Variants in KIF4A observed in about 807,000 individuals in gnomAD.
KIF4A encodes chromosome-associated kinesin KIF4A.
KIF4A carries 7 observed loss-of-function variants against 105.9 expected under a neutral mutation model. The observed-to-expected ratio is 0.07, with a 90% CI of 0.04 to 0.12. KIF4A has a LOEUF of 0.12. Ranked by LOEUF, KIF4A falls within the 10% of genes least tolerant of loss-of-function variation. The probability of loss-of-function intolerance (pLI) is 1.00; values close to 1 mark genes in which losing one functional copy is unlikely to be tolerated. For synonymous variants in KIF4A, 281 were observed against 331.3 expected (o/e 0.85, Z 1.65); for missense variants, 558 against 929.2 (o/e 0.60, Z 5.19).
At chrX:70,350,478 G>GGAGAGGGAGAGGGAGAGGGAAAGGGA (rs2086025247) in intron 13 of KIF4A, among the ~76,000 whole-genome samples, 7 of 109,123 alleles carry the variant, frequency 6.4e-5, no homozygotes, top group Admixed American at 3.8e-4. Flanking sequence ...GAGGGAGACG[G>GGAGAGGGAGAGGGAGAGGGAAAGGGA]GAGAGGGAGA....
chrX:70,408,139 G>A (rs1380079284), intron 28 of KIF4A, among the ~76,000 whole-genome samples: 1 of 110,962 alleles, frequency 9.0e-6, no homozygotes, highest in East Asian at 2.8e-4. Flanking sequence ...CCCACAGGAG[G>A]GAAATGACCT....
At chrX:70,370,457 T>C (rs921489020) in intron 15 of KIF4A, among the ~76,000 whole-genome samples, 1 of 107,403 alleles carries the variant, frequency 9.3e-6, no homozygotes, top group African/African-American at 3.3e-5. Flanking sequence ...TCTATAAGTA[T>C]AGATAAATAT....
chrX:70,305,061 C>G (rs964935426), intron 7 of KIF4A, among the ~76,000 whole-genome samples: 1 of 111,395 alleles, frequency 9.0e-6, no homozygotes, highest in African/African-American at 3.3e-5. Context: ...TTATGAACTT[C>G]TGTGTGTAAA....
At position 70,360,689 on chromosome X, in the gene KIF4A, G is replaced by A. The variant is rs747545866; in HGVS notation, c.1674+6882G>A. On this transcript the variant is annotated intron_variant, in intron 15 of 30. Transcript: ENST00000374403. Reference sequence around the variant, plus strand: ...CAGAAAGGGCAGATCCAACTGGCTCGTCCTAGCCATGTGCTCCCGGAGCAG... The same window carrying A: ...CAGAAAGGGCAGATCCAACTGGCTCATCCTAGCCATGTGCTCCCGGAGCAG... Among the ~76,000 whole-genome samples, 123 of 113,041 alleles carry A rather than the reference G, an allele frequency of 1.1e-3. 1 individual carries two copies. The highest frequency in any genetic ancestry group is 2.1e-3 in the Admixed American group (23 of 10,779).
chrX:70,344,032 C>A (rs1375640019), intron 13 of KIF4A, 50 bp downstream of exon 13: 3 of 919,380 alleles, frequency 3.3e-6, no homozygotes, highest in Non-Finnish European at 1.6e-6. Context: ...TCATTTGTTT[C>A]TCTTGACACA....
chrX:70,318,778 C>T lies in KIF4A; in HGVS notation c.779-10627C>T, dbSNP rs150712483. On this transcript the variant is annotated intron_variant, in intron 7 of 30. Coordinates refer to ENST00000374403, the MANE Select transcript of KIF4A (RefSeq NM_012310.5). ...GACCATGTGTATTTTCAGTTAAATGCCTGTTCACGTCTTGCTCATTTTTCT... is the reference window on the plus strand; with the variant it reads ...GACCATGTGTATTTTCAGTTAAATGTCTGTTCACGTCTTGCTCATTTTTCT... 3.6e-3 allele frequency among the ~76,000 whole-genome samples: 403 copies of T among 111,906 alleles called. 3 individuals carry two copies. The highest frequency in any genetic ancestry group is 0.012 in the African/African-American group (381 of 30,820).
chrX:70,317,163 G>GCT (rs1334016581), intron 7 of KIF4A, among the ~76,000 whole-genome samples: 1 of 111,670 alleles, frequency 9.0e-6, no homozygotes, highest in African/African-American at 3.3e-5. Context: ...TTTGAATAAT[G>GCT]CTATGAATAT....
At chrX:70,402,918 C>T (rs1157495215) in intron 23 of KIF4A, among the ~76,000 whole-genome samples, 1 of 111,917 alleles carries the variant, frequency 8.9e-6, no homozygotes, top group Non-Finnish European at 1.9e-5. Context: ...TTGTGACTGG[C>T]CTATAGCAAG....
intron 22 of KIF4A, among the ~76,000 whole-genome samples, chrX:70,401,133 G>A (rs2086280381): frequency 2.0e-5 from 2 of 98,325 alleles, no homozygotes; most frequent in Admixed American, 2.3e-4. Context: ...AGGCTGGAGT[G>A]CAGTGGCACA....
intron 22 of KIF4A, among the ~76,000 whole-genome samples, chrX:70,398,652 C>T (rs955433709): frequency 6.3e-5 from 7 of 111,590 alleles, no homozygotes; most frequent in Non-Finnish European, 1.1e-4. Flanking sequence ...TCTTTCAGAA[C>T]TTATGATACT....
intron 15 of KIF4A, among the ~76,000 whole-genome samples, chrX:70,355,726 A>G (rs2086048281): frequency 9.0e-6 from 1 of 111,309 alleles, no homozygotes; most frequent in African/African-American, 3.3e-5. Flanking sequence ...GGTGCAGAGA[A>G]GTAAACTAAG....
intron 15 of KIF4A, among the ~76,000 whole-genome samples, chrX:70,363,666 A>C (rs2086087513): frequency 8.9e-6 from 1 of 112,170 alleles, no homozygotes; most frequent in African/African-American, 3.2e-5. Context: ...GTTGGTTCCA[A>C]GTCTTTGCTA....
At chrX:70,304,992 A>G (rs2085821090) in intron 7 of KIF4A, among the ~76,000 whole-genome samples, 1 of 110,831 alleles carries the variant, frequency 9.0e-6, no homozygotes, top group Non-Finnish European at 1.9e-5. Context: ...ACAATATTCC[A>G]TTGTATGGAT....
chrX:70,378,740 G>A (rs945733243), intron 18 of KIF4A, among the ~76,000 whole-genome samples: 2 of 102,424 alleles, frequency 2.0e-5, no homozygotes, highest in Admixed American at 2.1e-4. Flanking sequence ...AAAAAAAAAG[G>A]ATTAAAGTAG....
At chrX:70,361,943 T>G (rs1418016460) in intron 15 of KIF4A, among the ~76,000 whole-genome samples, 4 of 112,264 alleles carry the variant, frequency 3.6e-5, no homozygotes, top group African/African-American at 1.3e-4. Flanking sequence ...TGCCTCACCC[T>G]CTTTGTGAAT....
At chrX:70,402,499 C>G (rs2086285810) in intron 22 of KIF4A, 67 bp from the exon 23 acceptor site, 1 of 1,137,184 alleles carries the variant, frequency 8.8e-7, no homozygotes, top group African/African-American at 1.8e-5. Flanking sequence ...AGTTTCTCCT[C>G]AGAGCTCTTC....
At chrX:70,300,690 A>T (rs2085801206) in intron 5 of KIF4A, among the ~76,000 whole-genome samples, 1 of 111,586 alleles carries the variant, frequency 9.0e-6, no homozygotes, top group African/African-American at 3.3e-5. Context: ...AAACTATGTA[A>T]AACTTCTGAG....
rs754795201 is a variant in KIF4A, at chrX:70,349,199, C to T, written c.1432-3401C>T. 9.7e-4 allele frequency among the ~76,000 whole-genome samples: 92 copies of T among 95,259 alleles called. 2 individuals are homozygous for T. The South Asian group carries it at 0.05, about 52-fold the overall frequency. 82.7% of individuals were successfully genotyped at this position (95,259 alleles called of 115,157 possible). A position where few individuals can be genotyped will look rare whatever the true frequency, so the allele number is the denominator to read the frequency against. Reference sequence around the variant, plus strand: ...GGCACTCCTCACTTCCCAGAGGGGGCGGCCGGGCAGAGGCGCTCCTCACTT... The same window carrying T: ...GGCACTCCTCACTTCCCAGAGGGGGTGGCCGGGCAGAGGCGCTCCTCACTT... On this transcript the variant is annotated intron_variant, in intron 13 of 30. Coordinates refer to ENST00000374403, the MANE Select transcript of KIF4A (RefSeq NM_012310.5).
intron 4 of KIF4A, among the ~76,000 whole-genome samples, chrX:70,297,945 A>G (rs2085789514): frequency 9.0e-6 from 1 of 111,533 alleles, no homozygotes; most frequent in African/African-American, 3.3e-5. Context: ...AAAGAGATGT[A>G]GAACTGGAAG....
Sources: allele counts gnomAD v4.1 joint callset (sites outside exome capture counted in the v4.1 genomes callset), GRCh38; gene constraint gnomAD v4.1.1; transcripts MANE v1.5; gene names NCBI Gene and HGNC (gene_info 2026-07-23, HGNC 2026-07-21).